OR51B5: variants seen among roughly 807,000 people sequenced by gnomAD.
OR51B5 encodes olfactory receptor 51B5.
For synonymous variants in OR51B5, 186 were observed against 144.8 expected (o/e 1.28, Z -2.04); for missense variants, 456 against 374.6 (o/e 1.22, Z -1.79).
chr11:5,388,528 C>A (rs922930499), intron 1 of OR51B5, among the ~76,000 whole-genome samples: 13 of 146,558 alleles, frequency 8.9e-5, no homozygotes, highest in African/African-American at 2.8e-4. Context: ...AATGAAAATA[C>A]AAATGTTTAC....
intron 1 of OR51B5, among the ~76,000 whole-genome samples, chr11:5,445,758 C>T (rs1265476943): frequency 1.3e-5 from 2 of 151,354 alleles, no homozygotes; most frequent in East Asian, 3.9e-4. Flanking sequence ...AATCAAAGAA[C>T]TATACAATGT....
chr11:5,424,981 C>CTAAAAA (rs1850425997), intron 1 of OR51B5, among the ~76,000 whole-genome samples: 2 of 84,438 alleles, frequency 2.4e-5, no homozygotes, highest in African/African-American at 4.9e-5. Flanking sequence ...GACTCCGCCT[C>CTAAAAA]AAAAAAAAAA....
At chr11:5,485,447 A>C (rs912460809) in intron 1 of OR51B5, among the ~76,000 whole-genome samples, 1 of 152,160 alleles carries the variant, frequency 6.6e-6, no homozygotes, top group African/African-American at 2.4e-5. Context: ...TAAGCACCTG[A>C]TGGACTCTGC....
chr11:5,466,420 G>C (rs77453102), intron 1 of OR51B5, among the ~76,000 whole-genome samples: 1 of 152,130 alleles, frequency 6.6e-6, no homozygotes, highest in African/African-American at 2.4e-5. Flanking sequence ...CTGTGGAAAT[G>C]AAAGGACGCA....
chr11:5,376,921 A>T, intron 1 of OR51B5, among the ~76,000 whole-genome samples: 1 of 150,400 alleles, frequency 6.6e-6, no homozygotes. Context: ...AACTATTCCA[A>T]TCAACAGAAA....
intron 1 of OR51B5, among the ~76,000 whole-genome samples, chr11:5,362,322 G>A (rs1849296416): frequency 6.6e-6 from 1 of 152,142 alleles, no homozygotes; most frequent in Admixed American, 6.5e-5. Flanking sequence ...GGATGCTTTG[G>A]GCAAAAAGCC....
intron 1 of OR51B5, among the ~76,000 whole-genome samples, chr11:5,478,995 C>A (rs1185964285): frequency 1.3e-5 from 2 of 152,016 alleles, no homozygotes; most frequent in Admixed American, 1.3e-4. Flanking sequence ...CGTTCAGATT[C>A]AGGAAATACA....
At chr11:5,417,676 T>C (rs1453308919) in intron 1 of OR51B5, among the ~76,000 whole-genome samples, 8 of 151,498 alleles carry the variant, frequency 5.3e-5, no homozygotes, top group Admixed American at 3.3e-4. Context: ...TGAAAAAATG[T>C]TCACCATCAC....
chr11:5,373,767 A>T (rs1292379309), intron 1 of OR51B5, among the ~76,000 whole-genome samples: 1 of 152,176 alleles, frequency 6.6e-6, no homozygotes, highest in Non-Finnish European at 1.5e-5. Context: ...GGTGGCAGCG[A>T]GGCTGGGGGA....
chr11:5,407,525 G>T (rs958622009), intron 1 of OR51B5, among the ~76,000 whole-genome samples: 1 of 152,002 alleles, frequency 6.6e-6, no homozygotes, highest in African/African-American at 2.4e-5. Flanking sequence ...TTCATTTTTT[G>T]AAGATTTCTC....
At chr11:5,488,553 C>T (rs912748751) in intron 1 of OR51B5, 3 of 608,258 alleles carry the variant, frequency 4.9e-6, no homozygotes, top group Non-Finnish European at 8.7e-6. Context: ...GTAGTCATTT[C>T]AGATGTTTGT....
chr11:5,469,069 C>T (rs886730598), intron 1 of OR51B5: 1 of 250,296 alleles, frequency 4.0e-6, no homozygotes, highest in South Asian at 4.4e-5. Context: ...AACTCATGGC[C>T]AGTAGGATGC....
intron 1 of OR51B5, among the ~76,000 whole-genome samples, chr11:5,428,547 T>C (rs977537671): frequency 1.3e-5 from 2 of 149,450 alleles, no homozygotes; most frequent in Non-Finnish European, 3.0e-5. Context: ...TGATCCATGC[T>C]TATATATAGA....
chr11:5,414,512 A>G (rs1015243190), intron 1 of OR51B5, among the ~76,000 whole-genome samples: 7 of 152,078 alleles, frequency 4.6e-5, no homozygotes, highest in Non-Finnish European at 1.0e-4. Context: ...GTCAAGACCC[A>G]TCAGTGTGTT....
At chr11:5,423,178 G>A (rs987666499) in intron 1 of OR51B5, 3 of 1,554,374 alleles carry the variant, frequency 1.9e-6, no homozygotes, top group Middle Eastern at 3.4e-4. Context: ...TTAAATTACT[G>A]ACAAGTATGA....
intron 1 of OR51B5, chr11:5,403,568 A>C (rs1257772938): frequency 6.5e-6 from 3 of 460,618 alleles, no homozygotes; most frequent in Non-Finnish European, 1.4e-5. Flanking sequence ...TAGTAGGAAG[A>C]AATGTTTTTG....
At chr11:5,357,251 C>T (rs981824459) in intron 1 of OR51B5, among the ~76,000 whole-genome samples, 2 of 151,992 alleles carry the variant, frequency 1.3e-5, no homozygotes, top group African/African-American at 2.4e-5. Context: ...CACACACACA[C>T]ATAGGCTCAA....
At chr11:5,402,214 C>T (rs2133741824) in intron 1 of OR51B5, among the ~76,000 whole-genome samples, 1 of 152,126 alleles carries the variant, frequency 6.6e-6, no homozygotes, top group Non-Finnish European at 1.5e-5. Flanking sequence ...AGAGTTTCGC[C>T]ATGTTGCCTA....
upstream of OR51B5, among the ~76,000 whole-genome samples, chr11:5,343,803 A>T (rs1264172394): frequency 4.6e-5 from 7 of 152,338 alleles, no homozygotes; most frequent in African/African-American, 1.4e-4. Context: ...TTCAGAAAAA[A>T]AATTATGTAA....
Sources: gnomAD v4.1 joint callset for allele counts (sites outside exome capture counted in the v4.1 genomes callset) on GRCh38, gnomAD v4.1.1 for gene constraint, MANE v1.5 for transcripts, NCBI Gene and HGNC (gene_info 2026-07-23, HGNC 2026-07-21) for gene names.